The following PHF14 variants were observed in gnomAD, a reference collection of about 807,000 sequenced individuals.
PHF14 encodes the protein PHD finger protein 14.
A neutral mutation model predicts 117.9 loss-of-function variants in PHF14; 55 were observed. The observed-to-expected ratio is 0.47, with a 90% CI of 0.38 to 0.58. PHF14 has a LOEUF of 0.58. Ranked by LOEUF, PHF14 falls within the 20% of genes least tolerant of loss-of-function variation. PHF14 has a pLI of 0.00. For synonymous variants in PHF14, 409 were observed against 368.6 expected, an observed-to-expected ratio of 1.11 and a Z score of -1.26; for missense variants, 978 against 1,122.2, an observed-to-expected ratio of 0.87 and a Z score of 1.84.
chr7:11,166,783 G>T (rs1459914819), intron 17 of PHF14, among the ~76,000 whole-genome samples: 3 of 152,098 alleles, frequency 2.0e-5, no homozygotes. Context: ...TTATATAAGT[G>T]ACTTAACAGC....
At chr7:11,035,033 TA>T (rs1267505619) in intron 7 of PHF14, among the ~76,000 whole-genome samples, 1 of 151,446 alleles carries the variant, frequency 6.6e-6, no homozygotes, top group African/African-American at 2.4e-5. Context: ...AGTGACTTTT[TA>T]AAAAAATACA....
chr7:11,011,420 G>T (rs978917518), intron 4 of PHF14, among the ~76,000 whole-genome samples: 1 of 152,132 alleles, frequency 6.6e-6, no homozygotes, highest in African/African-American at 2.4e-5. Flanking sequence ...CCCATATGGT[G>T]AAGTCTTTTA....
At chr7:11,065,487 CTG>C (rs1267855320) in intron 16 of PHF14, among the ~76,000 whole-genome samples, 1 of 152,076 alleles carries the variant, frequency 6.6e-6, no homozygotes, top group East Asian at 1.9e-4. Flanking sequence ...TTAATAAAAA[CTG>C]TCACTATTAT....
chr7:11,058,584 T>TA (rs1162292613), intron 14 of PHF14, among the ~76,000 whole-genome samples: 2 of 152,232 alleles, frequency 1.3e-5, no homozygotes, highest in Non-Finnish European at 2.9e-5. Context: ...AGTATGGAGC[T>TA]ACCAAATTAT....
chr7:10,991,127 A>G (rs1379259395), intron 4 of PHF14, among the ~76,000 whole-genome samples: 1 of 151,664 alleles, frequency 6.6e-6, no homozygotes, highest in African/African-American at 2.4e-5. Flanking sequence ...GGTAGCTGGG[A>G]CTACAGGCGC....
intron 17 of PHF14, among the ~76,000 whole-genome samples, chr7:11,115,883 T>C (rs968784351): frequency 9.9e-5 from 15 of 152,178 alleles, no homozygotes; most frequent in African/African-American, 3.6e-4. Context: ...TTTCTTGTGG[T>C]TTAGATTCAT....
At chr7:11,124,042 C>CT (rs1787852463) in intron 17 of PHF14, among the ~76,000 whole-genome samples, 1 of 127,872 alleles carries the variant, frequency 7.8e-6, no homozygotes, top group Non-Finnish European at 1.9e-5. Flanking sequence ...TTTCTCCTTA[C>CT]TTTTTCCTTT....
At chr7:11,102,550 T>C (rs1472690797) in intron 16 of PHF14, 3 of 1,610,356 alleles carry the variant, frequency 1.9e-6, no homozygotes, top group Non-Finnish European at 2.5e-6. Context: ...AAACCTCTTT[T>C]ATAAGTGTGA....
chr7:10,982,652 A>T lies in PHF14; in HGVS notation c.393A>T (p.Arg131Ser). The T allele has an allele frequency of 1.3e-6, 2 of 1,560,536 alleles. No homozygotes were observed. The highest frequency in any genetic ancestry group is 1.7e-6 in the Non-Finnish European group (2 of 1,150,848). The change falls in exon 3 of 18, where the codon AGA becomes AGT. Residue 131 changes from arginine (R) to serine (S), a missense_variant. Physicochemically the swap from Arg to Ser is moderately radical, Grantham distance 110 (BLOSUM62 -1). This residue lies in a region of PHF14 where 414 missense variants were observed against 376.4 expected (regional missense o/e 1.10). Coordinates refer to ENST00000634607, the MANE Select transcript of PHF14 (RefSeq NM_001007157.2). Reference sequence around the variant, plus strand: ...AGGAAAAGGAGAAAGAGAAGGAAAGAGAGAAGGAAAAAGAAAAAGCAACAG... The same window carrying T: ...AGGAAAAGGAGAAAGAGAAGGAAAGTGAGAAGGAAAAAGAAAAAGCAACAG... ...KEKEKEKEKEREKEKEKATVS... is the reference protein window; with the variant it reads ...KEKEKEKEKESEKEKEKATVS...
chr7:11,034,671 C>T (rs1215712356), intron 7 of PHF14, among the ~76,000 whole-genome samples: 2 of 151,016 alleles, frequency 1.3e-5, no homozygotes, highest in Non-Finnish European at 2.9e-5. Flanking sequence ...ACCTCAGCCT[C>T]CTGAGTAGCT....
intron 17 of PHF14, among the ~76,000 whole-genome samples, chr7:11,168,396 G>A (rs1272672380): frequency 6.6e-6 from 1 of 152,142 alleles, no homozygotes; most frequent in Non-Finnish European, 1.5e-5. Flanking sequence ...CAAGTATGTA[G>A]TTTGTCATAG....
intron 17 of PHF14, among the ~76,000 whole-genome samples, chr7:11,159,707 G>A (rs1583512172): frequency 6.6e-6 from 1 of 151,982 alleles, no homozygotes. Context: ...AGGGATCTCT[G>A]TATTATTTCT....
At chr7:11,106,959 C>T (rs1039880292) in intron 16 of PHF14, 81 of 983,626 alleles carry the variant, frequency 8.2e-5, no homozygotes, top group Non-Finnish European at 9.4e-5. Flanking sequence ...TCAACTTGAT[C>T]ATAAAAATGT....
At chr7:11,024,320 T>G (rs1783838084) in intron 6 of PHF14, among the ~76,000 whole-genome samples, 1 of 152,194 alleles carries the variant, frequency 6.6e-6, no homozygotes, top group African/African-American at 2.4e-5. Flanking sequence ...ATGAAGAAGA[T>G]GCAGCAGGTA....
intron 13 of PHF14, among the ~76,000 whole-genome samples, chr7:11,049,947 A>G (rs1784799156): frequency 6.6e-6 from 1 of 152,178 alleles, no homozygotes; most frequent in African/African-American, 2.4e-5. Context: ...ATACATGATT[A>G]TGTACATTTT....
intron 17 of PHF14, among the ~76,000 whole-genome samples, chr7:11,149,445 A>T (rs1469313513): frequency 1.3e-5 from 2 of 152,140 alleles, no homozygotes; most frequent in Non-Finnish European, 2.9e-5. Flanking sequence ...ACTAAAAAAA[A>T]ATGGATGAAA....
intron 17 of PHF14, among the ~76,000 whole-genome samples, chr7:11,126,543 T>C (rs955252267): frequency 6.6e-6 from 1 of 152,106 alleles, no homozygotes; most frequent in Admixed American, 6.6e-5. Context: ...TGCAGTGAAA[T>C]AAACTTTCTC....
chr7:11,036,683 A>T lies in PHF14; in HGVS notation c.1868A>T (p.Tyr623Phe). Reference protein sequence around the residue: ...PALTADFVNYYFERNMRMIQI... With the variant: ...PALTADFVNYFFERNMRMIQI... ...CTCACTGCAGATTTTGTGAATTATT[A>T]TTTTGGTCAGTATAGACACTGGTAC... The change falls in exon 9 of 18, where the codon TAT becomes TTT. Residue 623 changes from tyrosine to phenylalanine, a missense_variant. Physicochemically the swap from Tyr to Phe is conservative, Grantham distance 22. Around this residue, in one of 7 missense-constraint regions of PHF14, gnomAD observed 237 missense variants for 276.4 expected, o/e 0.86. Transcript: ENST00000634607. The T allele has an allele frequency of 1.2e-6, 2 of 1,613,342 alleles. No homozygotes were observed. Among genetic ancestry groups the T allele is most frequent in the Non-Finnish European group, 1.7e-6 (2 of 1,179,534 alleles).
chr7:11,008,988 A>T (rs894339830), intron 4 of PHF14, among the ~76,000 whole-genome samples: 1 of 149,372 alleles, frequency 6.7e-6, no homozygotes, highest in Non-Finnish European at 1.5e-5. Context: ...GTGAGCTGAG[A>T]TCATGCCACT....
Sources: gnomAD v4.1 joint callset for allele counts (sites outside exome capture counted in the v4.1 genomes callset) on GRCh38, gnomAD v4.1.1 for gene constraint, gnomAD v4.1.1 regional missense constraint, MANE v1.5 for transcripts, NCBI Gene and HGNC (gene_info 2026-07-23, HGNC 2026-07-21) for gene names.